Variants in TTLL11 observed in about 807,000 individuals in gnomAD.
The protein encoded by TTLL11 is tubulin tyrosine ligase like 11.
In TTLL11, 42 loss-of-function variants were observed where a neutral mutation model predicts 51.7. That is an observed-to-expected ratio of 0.81 (90% CI 0.64 to 1.05). The LOEUF (loss-of-function observed/expected upper bound fraction) is 1.05. Ranked by LOEUF, TTLL11 falls within the 50% of genes least tolerant of loss-of-function variation. TTLL11 has a pLI of 0.00. For missense variants in TTLL11, 799 were observed against 940.4 expected (o/e 0.85, Z 1.97); for synonymous variants, 381 against 383.5 (o/e 0.99, Z 0.08).
intron 1 of TTLL11, among the ~76,000 whole-genome samples, chr9:122,042,589 T>C (rs4836875): frequency 0.044 from 6,753 of 152,320 alleles, 294 homozygotes; most frequent in Admixed American, 0.12. Flanking sequence ...CCAAATGGGT[T>C]GAAAAACTTA....
At chr9:122,051,104 A>G (rs1240236797) in intron 1 of TTLL11, among the ~76,000 whole-genome samples, 1 of 152,222 alleles carries the variant, frequency 6.6e-6, no homozygotes, top group African/African-American at 2.4e-5. Flanking sequence ...GAATGAAGGA[A>G]TTTAAGATTA....
At chr9:121,966,930 T>C (rs1370454829) in intron 6 of TTLL11, among the ~76,000 whole-genome samples, 1 of 152,196 alleles carries the variant, frequency 6.6e-6, no homozygotes, top group African/African-American at 2.4e-5. Context: ...GAAAGCCTGA[T>C]TGACCACTTG....
At chr9:122,074,603 A>G (rs1845811359) in intron 1 of TTLL11, among the ~76,000 whole-genome samples, 1 of 152,108 alleles carries the variant, frequency 6.6e-6, no homozygotes, top group Non-Finnish European at 1.5e-5. Context: ...GACAAATTCA[A>G]TAATCAAGAG....
chr9:121,824,139 A>G (rs1424540391), intron 8 of TTLL11, among the ~76,000 whole-genome samples: 2 of 152,184 alleles, frequency 1.3e-5, no homozygotes, highest in Non-Finnish European at 2.9e-5. Context: ...TAATTCTCAC[A>G]ATACCTTTAT....
intron 8 of TTLL11, among the ~76,000 whole-genome samples, chr9:121,840,297 T>G (rs1209468718): frequency 1.3e-5 from 2 of 152,162 alleles, no homozygotes; most frequent in African/African-American, 4.8e-5. Context: ...CCACGTATCC[T>G]CGGATGCATG....
chr9:121,921,103 C>A (rs1043092566), intron 6 of TTLL11, among the ~76,000 whole-genome samples: 4 of 152,186 alleles, frequency 2.6e-5, no homozygotes, highest in African/African-American at 9.6e-5. Flanking sequence ...TTCATTCATT[C>A]AAATATTTAC....
chr9:121,860,166 T>C (rs1265734980), intron 8 of TTLL11, among the ~76,000 whole-genome samples, 171 bp downstream of exon 8: 1 of 152,184 alleles, frequency 6.6e-6, no homozygotes, highest in Non-Finnish European at 1.5e-5. Context: ...GAGAATTCGG[T>C]AGCAGACAGT....
At chr9:121,895,770 T>C (rs1005763097) in intron 6 of TTLL11, among the ~76,000 whole-genome samples, 1 of 92 alleles carries the variant, frequency 0.011, no homozygotes, top group Non-Finnish European at 0.029. Context: ...TGTTTTGTGT[T>C]AGTGTGTGGG....
intron 4 of TTLL11, among the ~76,000 whole-genome samples, chr9:121,986,344 G>T (rs556515062): frequency 6.6e-6 from 1 of 152,280 alleles, no homozygotes; most frequent in South Asian, 2.1e-4. Flanking sequence ...TCTGCATGCC[G>T]GGCCCACATG....
At chr9:122,032,798 T>TTTC (rs1654066980) in intron 2 of TTLL11, among the ~76,000 whole-genome samples, 1 of 108,528 alleles carries the variant, frequency 9.2e-6, no homozygotes, top group African/African-American at 5.2e-5. Context: ...TCATTTTTTC[T>TTTC]TTTTTTTTTT....
intron 6 of TTLL11, among the ~76,000 whole-genome samples, chr9:121,913,356 C>T (rs781459395): frequency 6.6e-6 from 1 of 152,112 alleles, no homozygotes; most frequent in Non-Finnish European, 1.5e-5. Flanking sequence ...AAAAAGAAGA[C>T]CAGGAGGCAA....
intron 7 of TTLL11, among the ~76,000 whole-genome samples, chr9:121,867,370 C>T (rs1315453307): frequency 2.0e-5 from 3 of 152,292 alleles, no homozygotes; most frequent in South Asian, 4.1e-4. Context: ...CCACAGCCAG[C>T]CTTCCCTCCC....
intron 4 of TTLL11, 80 bp from the exon 5 acceptor site, chr9:121,975,059 A>G (rs1842668287): frequency 9.2e-7 from 1 of 1,083,190 alleles, no homozygotes; most frequent in Admixed American, 3.8e-5. Context: ...AATAAATTCA[A>G]ACTCAGTCCC....
intron 6 of TTLL11, among the ~76,000 whole-genome samples, chr9:121,887,519 G>A (rs540118801): frequency 7.2e-5 from 11 of 152,340 alleles, no homozygotes; most frequent in African/African-American, 2.4e-4. Context: ...CGCGATGCCA[G>A]TGCACATACC....
chr9:121,829,257 ACCC>A (rs1278155656), intron 8 of TTLL11, among the ~76,000 whole-genome samples: 1 of 152,030 alleles, frequency 6.6e-6, no homozygotes, highest in Non-Finnish European at 1.5e-5. Context: ...CCCAGCCAAG[ACCC>A]TGTCTTCAAA....
chr9:121,961,681 T>C (rs2416843), intron 6 of TTLL11, among the ~76,000 whole-genome samples: 48,841 of 152,032 alleles, frequency 0.32, 8,115 homozygotes, highest in Middle Eastern at 0.36. Flanking sequence ...AATAGGGAGG[T>C]AAACTCTGGT....
At chr9:121,951,809 C>T (rs887968705) in intron 6 of TTLL11, among the ~76,000 whole-genome samples, 6 of 152,138 alleles carry the variant, frequency 3.9e-5, no homozygotes, top group African/African-American at 9.7e-5. Context: ...AGAACAGCCC[C>T]GAGGGCTGCT....
intron 6 of TTLL11, among the ~76,000 whole-genome samples, chr9:121,880,738 A>C (rs1838754329): frequency 6.6e-6 from 1 of 152,246 alleles, no homozygotes; most frequent in African/African-American, 2.4e-5. Flanking sequence ...GTAGGTGCTT[A>C]AAAATATCTG....
At chr9:121,868,013 A>C (rs968391355) in intron 7 of TTLL11, among the ~76,000 whole-genome samples, 7 of 152,130 alleles carry the variant, frequency 4.6e-5, no homozygotes, top group Non-Finnish European at 5.9e-5. Flanking sequence ...TGCAACTCCC[A>C]AGATGTCATC....
Sources: gnomAD v4.1 joint callset for allele counts (sites outside exome capture counted in the v4.1 genomes callset) on GRCh38, gnomAD v4.1.1 for gene constraint, MANE v1.5 for transcripts, NCBI Gene and HGNC (gene_info 2026-07-23, HGNC 2026-07-21) for gene names.